The following CCDC6 variants were observed in gnomAD, a reference collection of about 807,000 sequenced individuals.
CCDC6 encodes coiled-coil domain containing 6, also known as coiled-coil domain-containing protein 6.
In CCDC6, 20 loss-of-function variants were observed where a neutral mutation model predicts 56.6. The observed-to-expected ratio is 0.35, with a 90% CI of 0.25 to 0.51. The LOEUF (loss-of-function observed/expected upper bound fraction) is 0.51. Ranked by LOEUF, CCDC6 falls within the 20% of genes least tolerant of loss-of-function variation. CCDC6 has a pLI of 0.95. For missense variants in CCDC6, 367 were observed against 601.1 expected, an observed-to-expected ratio of 0.61 and a Z score of 4.07; for synonymous variants, 241 against 234.4, an observed-to-expected ratio of 1.03 and a Z score of -0.26.
chr10:59,821,918 T>A (rs1251916152), intron 3 of CCDC6, among the ~76,000 whole-genome samples: 2 of 152,222 alleles, frequency 1.3e-5, no homozygotes, highest in Non-Finnish European at 2.9e-5. Context: ...CATCTGCTAT[T>A]TTTATTATAG....
At chr10:59,796,253 T>G (rs2070517912) in intron 7 of CCDC6, among the ~76,000 whole-genome samples, 1 of 150,102 alleles carries the variant, frequency 6.7e-6, no homozygotes, top group Admixed American at 6.6e-5. Context: ...TTTCATGTGT[T>G]TTTTGGCTGC....
At chr10:59,856,972 A>C (rs1338127678) in intron 1 of CCDC6, among the ~76,000 whole-genome samples, 1 of 152,182 alleles carries the variant, frequency 6.6e-6, no homozygotes, top group African/African-American at 2.4e-5. Flanking sequence ...GAAACAGAAA[A>C]ATTTATGATA....
chr10:59,823,685 G>A (rs1052801382), intron 3 of CCDC6, among the ~76,000 whole-genome samples: 1 of 151,038 alleles, frequency 6.6e-6, no homozygotes, highest in Non-Finnish European at 1.5e-5. Context: ...CAAAATGGAA[G>A]TTTCCTTGAT....
chr10:59,824,503 A>G (rs1216750683), intron 3 of CCDC6, among the ~76,000 whole-genome samples: 1 of 152,236 alleles, frequency 6.6e-6, no homozygotes, highest in Non-Finnish European at 1.5e-5. Flanking sequence ...CAGGCAACTG[A>G]AACATCACTG....
intron 3 of CCDC6, among the ~76,000 whole-genome samples, chr10:59,822,665 C>T (rs72817923): frequency 0.15 from 22,515 of 152,012 alleles, 2,000 homozygotes; most frequent in African/African-American, 0.24. Flanking sequence ...GAGGCTCATG[C>T]AGGAGGACTG....
At chr10:59,884,757 C>T (rs972290582) in intron 1 of CCDC6, among the ~76,000 whole-genome samples, 1 of 152,104 alleles carries the variant, frequency 6.6e-6, no homozygotes, top group Admixed American at 6.5e-5. Context: ...AATATGTATC[C>T]AGAAAAACAC....
At chr10:59,832,743 T>G (rs1362238333) in intron 2 of CCDC6, 90 bp from the exon 3 acceptor site, 1 of 1,398,236 alleles carries the variant, frequency 7.2e-7, no homozygotes, top group Non-Finnish European at 9.8e-7. Flanking sequence ...ACAAAGAAGC[T>G]ATACCACAAA....
intron 3 of CCDC6, among the ~76,000 whole-genome samples, chr10:59,817,182 A>T (rs1201984244): frequency 1.3e-5 from 2 of 152,080 alleles, no homozygotes; most frequent in Non-Finnish European, 2.9e-5. Context: ...ATCCACAGTC[A>T]TTTCTTTTCT....
intron 8 of CCDC6, among the ~76,000 whole-genome samples, 157 bp downstream of exon 8, chr10:59,794,316 G>GGTA (rs1185676933): frequency 4.6e-5 from 7 of 152,138 alleles, no homozygotes; most frequent in African/African-American, 1.7e-4. Context: ...ACCAGAATTT[G>GGTA]GTATCAAACT....
At chr10:59,850,892 T>C (rs548592523) in intron 2 of CCDC6, among the ~76,000 whole-genome samples, 18 of 152,162 alleles carry the variant, frequency 1.2e-4, no homozygotes, top group African/African-American at 4.1e-4. Flanking sequence ...ATGTTTTCAT[T>C]CTTTTTTATG....
chr10:59,836,058 A>G (rs889876829), intron 2 of CCDC6, among the ~76,000 whole-genome samples: 3 of 150,894 alleles, frequency 2.0e-5, no homozygotes, highest in Non-Finnish European at 4.4e-5. Flanking sequence ...TGTCTAAAAA[A>G]AAAAAAAAAA....
In CCDC6 at chr10:59,860,263, C is replaced by T. The variant is rs562149091; in HGVS notation, c.304-7561G>A. On this transcript the variant is annotated intron_variant, in intron 1 of 8. Coordinates refer to ENST00000263102, the MANE Select transcript of CCDC6 (RefSeq NM_005436.5). ...GACTCAGACACAGATCCAATGCCCC[C>T]GAGGAAAGGCTGGAAACTCTTCTGC... Among the ~76,000 whole-genome samples, 5 of 152,184 alleles carry T rather than the reference C, an allele frequency of 3.3e-5. No homozygotes were observed. In the East Asian group the frequency reaches 7.7e-4, roughly 24 times the overall value.
At chr10:59,865,228 C>G (rs2132664489) in intron 1 of CCDC6, among the ~76,000 whole-genome samples, 1 of 152,318 alleles carries the variant, frequency 6.6e-6, no homozygotes, top group Admixed American at 6.5e-5. Flanking sequence ...ATTCCAACAG[C>G]TATACATGCT....
intron 3 of CCDC6, among the ~76,000 whole-genome samples, chr10:59,830,612 T>A (rs1408664694): frequency 6.6e-6 from 1 of 152,236 alleles, no homozygotes; most frequent in Non-Finnish European, 1.5e-5. Flanking sequence ...GAAATCTATT[T>A]CTTTACCATC....
chr10:59,842,955 G>T (rs531796277), intron 2 of CCDC6, among the ~76,000 whole-genome samples: 1 of 151,868 alleles, frequency 6.6e-6, no homozygotes. Context: ...GGGTTTCACC[G>T]TGTTAGCCAG....
chr10:59,852,864 G>C (rs919413190), intron 1 of CCDC6, among the ~76,000 whole-genome samples, 162 bp from the exon 2 acceptor site: 3 of 152,122 alleles, frequency 2.0e-5, no homozygotes, highest in African/African-American at 7.2e-5. Context: ...GCAAAACAGA[G>C]GAATTCAGCA....
At chr10:59,899,024 G>GCA (rs1564760727) in intron 1 of CCDC6, among the ~76,000 whole-genome samples, 2 of 152,244 alleles carry the variant, frequency 1.3e-5, no homozygotes, top group African/African-American at 4.8e-5. Flanking sequence ...AGTGACCTTT[G>GCA]CAATTTACTG....
intron 2 of CCDC6, among the ~76,000 whole-genome samples, chr10:59,844,133 G>A (rs1302010576): frequency 6.6e-6 from 1 of 152,092 alleles, no homozygotes; most frequent in Non-Finnish European, 1.5e-5. Context: ...GTATGTCTGA[G>A]TGATCTAATC....
intron 7 of CCDC6, among the ~76,000 whole-genome samples, chr10:59,796,528 A>G (rs527557581): frequency 1.3e-5 from 2 of 152,346 alleles, no homozygotes; most frequent in East Asian, 3.9e-4. Context: ...TATGGAAATC[A>G]GTATGAAAAT....
Sources: allele counts gnomAD v4.1 joint callset (sites outside exome capture counted in the v4.1 genomes callset), GRCh38; gene constraint gnomAD v4.1.1; transcripts MANE v1.5; gene names NCBI Gene and HGNC (gene_info 2026-07-23, HGNC 2026-07-21).